The following CRTC3 variants were observed in gnomAD, a reference collection of about 807,000 sequenced individuals.
CRTC3 encodes the protein CREB regulated transcription coactivator 3, also known as CREB-regulated transcription coactivator 3.
In CRTC3, 26 loss-of-function variants were observed where a neutral mutation model predicts 74.5. The ratio of observed to expected loss-of-function variants is 0.35; its 90% CI spans 0.26 to 0.48. The LOEUF is 0.48. Among genes scored for constraint, CRTC3 ranks in the 20% least tolerant of loss-of-function variants. CRTC3 has a pLI of 0.99. For missense variants in CRTC3, 760 were observed against 787.3 expected (o/e 0.97, Z 0.41); for synonymous variants, 377 against 325.8 (o/e 1.16, Z -1.69).
intron 4 of CRTC3, 21 bp from the exon 5 acceptor site, chr15:90,604,364 A>T (rs1217449866): frequency 1.9e-6 from 3 of 1,607,972 alleles, no homozygotes; most frequent in African/African-American, 2.7e-5. Flanking sequence ...TTTTCCTTTT[A>T]TGTTGTTCTG....
At chr15:90,600,390 C>T (rs569625179) in intron 3 of CRTC3, 5 of 147,128 alleles carry the variant, frequency 3.4e-5, no homozygotes, top group Non-Finnish European at 6.0e-5. Flanking sequence ...CTCCTGAGCC[C>T]GAGCAGATGG....
intron 2 of CRTC3, among the ~76,000 whole-genome samples, chr15:90,541,133 A>G (rs531171645): frequency 2.0e-5 from 3 of 152,368 alleles, no homozygotes; most frequent in South Asian, 4.1e-4. Flanking sequence ...ATATGGCACT[A>G]TTGTTAAGAC....
chr15:90,634,748 GT>G, intron 11 of CRTC3: 1 of 974,156 alleles, frequency 1.0e-6, no homozygotes. Context: ...CGTGTAGAAA[GT>G]TTTTTCCACT....
chr15:90,607,926 C>T (rs571536089), intron 6 of CRTC3, among the ~76,000 whole-genome samples: 4 of 152,202 alleles, frequency 2.6e-5, no homozygotes. Flanking sequence ...GAGGAAGTGA[C>T]TGTCTCTGTA....
Position 90,641,985 on chromosome 15 carries a change from C to T in CRTC3, c.1705C>T (p.Pro569Ser), listed in dbSNP as rs1969463114. ...KDLNSALAGLPEVSLNVDTPF... is the reference protein window; with the variant it reads ...KDLNSALAGLSEVSLNVDTPF... ...CCTCAACAGTGCGCTGGCAGGCCTG[C>T]CTGAGGTCAGCCTGAACGTGGACAC... Residue 569 changes from proline (P) to serine (S), a missense_variant, in exon 15 of 15, where the codon CCT becomes TCT. Pro to Ser is a moderately conservative substitution (Grantham distance 74). Around this residue, in one of 2 missense-constraint regions of CRTC3, gnomAD observed 652 missense variants for 635.2 expected, o/e 1.03. Transcript: ENST00000268184. 4 of 1,613,824 alleles carry T rather than the reference C, an allele frequency of 2.5e-6. No individual in the cohort carries two copies. Among genetic ancestry groups the T allele is most frequent in the Non-Finnish European group, 3.4e-6 (4 of 1,179,954 alleles).
rs556431291 is a variant in CRTC3 at position 90,604,438 on chromosome 15, C to T, written c.467C>T (p.Ala156Val). The T allele has an allele frequency of 9.3e-6, 15 of 1,612,972 alleles. No homozygotes were observed. The East Asian group carries it at 3.1e-4, about 34-fold the overall frequency. The change falls in exon 5 of 15, where the codon GCA becomes GTA. Residue 156 changes from alanine to valine, a missense_variant. Transcript: ENST00000268184. ...EKHPGFRLTS[A>V]LNRTNSDSAL... ...CATCCTGGGTTCAGGCTGACATCTG[C>T]ACTTAACAGGTACATGGGTTGTTTC...
At position 90,531,074 on chromosome 15, in the gene CRTC3, G is replaced by T. The variant is rs981588999; in HGVS notation, c.132+871G>T. 2.6e-5 allele frequency among the ~76,000 whole-genome samples: 4 copies of T among 151,888 alleles called. No individual in the cohort carries two copies. In the East Asian group the frequency reaches 7.8e-4, roughly 30 times the overall value. ...GGGGGAGGATCTGCAGATTCTGGGG[G>T]ACTGAGGCGGGGGAGACAGTTTGAA... On this transcript the variant is annotated intron_variant, in intron 1 of 14. Transcript: ENST00000268184.
intron 2 of CRTC3, among the ~76,000 whole-genome samples, chr15:90,544,911 T>G (rs1038174535): frequency 1.3e-5 from 2 of 152,384 alleles, no homozygotes; most frequent in South Asian, 4.1e-4. Flanking sequence ...TATAGTTCAG[T>G]GGTATTACAT....
intron 10 of CRTC3, among the ~76,000 whole-genome samples, chr15:90,628,224 AT>A (rs763887094): frequency 5.3e-5 from 8 of 150,852 alleles, no homozygotes; most frequent in Non-Finnish European, 8.8e-5. Context: ...CTCAAAAAAA[AT>A]AATAATAATA....
Position 90,629,544 on chromosome 15 carries a change from C to A in CRTC3, c.1266+12C>A. On this transcript the variant is annotated intron_variant, in intron 11 of 14. Transcript: ENST00000268184. The stretch of plus-strand genomic sequence containing the variant: ...ATCCTACCTCCCAGGTAAACACACA[C>A]AGACAGACCAACCACTACAGTGAAA... 1 of 1,612,728 alleles carries A rather than the reference C, an allele frequency of 6.2e-7. No homozygotes were observed. Among genetic ancestry groups the A allele is most frequent in the Non-Finnish European group, 8.5e-7 (1 of 1,178,806 alleles).
At chr15:90,638,230 A>C (rs1000402281) in intron 11 of CRTC3, 39 of 497,244 alleles carry the variant, frequency 7.8e-5, no homozygotes, top group South Asian at 6.8e-4. Context: ...TTCTTTTAAG[A>C]CAATAGAACT....
At chr15:90,624,038 A>G (rs930457749) in intron 9 of CRTC3, among the ~76,000 whole-genome samples, 1 of 152,072 alleles carries the variant, frequency 6.6e-6, no homozygotes, top group African/African-American at 2.4e-5. Context: ...GCCTCCCTCC[A>G]GGCTCTATCA....
In CRTC3 at chr15:90,567,545, G is replaced by A. The variant is rs893034273; in HGVS notation, c.232-26091G>A. 9.2e-5 allele frequency among the ~76,000 whole-genome samples: 14 copies of A among 152,038 alleles called. No homozygotes were observed. In the South Asian group the frequency reaches 2.1e-3, roughly 23 times the overall value. ...CCACTAAAAATAGAAAAAATTAGCC[G>A]GGCATGGTGGCGCATGCCTGTAATC... On this transcript the variant is annotated intron_variant, in intron 2 of 14. Transcript: ENST00000268184.
intron 2 of CRTC3, among the ~76,000 whole-genome samples, chr15:90,550,330 A>C (rs1966852593): frequency 6.6e-6 from 1 of 151,600 alleles, no homozygotes; most frequent in African/African-American, 2.4e-5. Flanking sequence ...GGGAGGCTTG[A>C]ACCCGGGAGG....
chr15:90,584,876 TAAG>T (rs1175110790), intron 2 of CRTC3, among the ~76,000 whole-genome samples: 15 of 152,048 alleles, frequency 9.9e-5, no homozygotes. Context: ...ACAGAGGAAT[TAAG>T]AAGGGTTGGG....
chr15:90,640,639 G>GC (rs1346400695), intron 13 of CRTC3, among the ~76,000 whole-genome samples: 1 of 151,830 alleles, frequency 6.6e-6, no homozygotes, highest in Non-Finnish European at 1.5e-5. Flanking sequence ...CCGAGATGGC[G>GC]CCATTGCACT....
chr15:90,555,590 T>G (rs1224970701), intron 2 of CRTC3, among the ~76,000 whole-genome samples: 1 of 152,236 alleles, frequency 6.6e-6, no homozygotes, highest in African/African-American at 2.4e-5. Flanking sequence ...TGATCTTGGC[T>G]AACCGCAACC....
intron 2 of CRTC3, among the ~76,000 whole-genome samples, chr15:90,570,443 G>T (rs769164777): frequency 2.0e-5 from 3 of 152,184 alleles, no homozygotes; most frequent in Non-Finnish European, 4.4e-5. Context: ...GTGGGCATCA[G>T]TATGAGCCCT....
intron 2 of CRTC3, among the ~76,000 whole-genome samples, chr15:90,541,689 C>A (rs527462454): frequency 1.3e-5 from 2 of 151,710 alleles, no homozygotes; most frequent in East Asian, 3.9e-4. Flanking sequence ...ACTTTATTGT[C>A]AACTTTAGAG....
Sources: allele counts gnomAD v4.1 joint callset (sites outside exome capture counted in the v4.1 genomes callset), GRCh38; gene constraint gnomAD v4.1.1; regional missense constraint gnomAD v4.1.1; transcripts MANE v1.5; gene names NCBI Gene and HGNC (gene_info 2026-07-23, HGNC 2026-07-21).